The following PCCA variants were observed in gnomAD, a reference collection of about 807,000 sequenced individuals.
The protein encoded by PCCA is propionyl-CoA carboxylase alpha chain, mitochondrial.
PCCA carries 74 observed loss-of-function variants against 101.3 expected under a neutral mutation model. The observed-to-expected ratio is 0.73, with a 90% CI of 0.61 to 0.89. The LOEUF is 0.89. Ranked by LOEUF, PCCA falls within the 40% of genes least tolerant of loss-of-function variation. The pLI is 0.00. For synonymous variants in PCCA, 294 were observed against 313.6 expected, an observed-to-expected ratio of 0.94 and a Z score of 0.66; for missense variants, 891 against 907.0, an observed-to-expected ratio of 0.98 and a Z score of 0.23.
At chr13:100,398,563 A>T (rs1376194207) in intron 19 of PCCA, among the ~76,000 whole-genome samples, 1 of 152,184 alleles carries the variant, frequency 6.6e-6, no homozygotes, top group Non-Finnish European at 1.5e-5. Flanking sequence ...CACTGGGTGG[A>T]AAAGGGAAAA....
intron 19 of PCCA, among the ~76,000 whole-genome samples, chr13:100,397,891 A>G (rs1265172886): frequency 6.6e-6 from 1 of 152,244 alleles, no homozygotes; most frequent in African/African-American, 2.4e-5. Context: ...ACTTGTGAGC[A>G]GCTACCAAAT....
chr13:100,186,304 A>C (rs2057261270), intron 6 of PCCA, among the ~76,000 whole-genome samples: 1 of 152,238 alleles, frequency 6.6e-6, no homozygotes, highest in Non-Finnish European at 1.5e-5. Context: ...AAATATATTT[A>C]GTTTAATACA....
At position 100,205,347 on chromosome 13, in the gene PCCA, A is replaced by G. The variant is rs185244484; in HGVS notation, c.469-3985A>G. Among the ~76,000 whole-genome samples, 38 of 152,292 alleles carry G rather than the reference A, an allele frequency of 2.5e-4. 1 individual carries two copies. The highest frequency in any genetic ancestry group is 6.7e-4 in the African/African-American group (28 of 41,570). On this transcript the variant is annotated intron_variant, in intron 6 of 23. Coordinates refer to ENST00000376285, the MANE Select transcript of PCCA (RefSeq NM_000282.4). ...TTTTGGTTACAGATTTATGGGAGCC[A>G]AGAGCCTCTAATGTTGCTTTCTCAT...
chr13:100,285,297 C>T (rs576498880), intron 12 of PCCA, among the ~76,000 whole-genome samples: 12 of 152,266 alleles, frequency 7.9e-5, no homozygotes, highest in East Asian at 1.9e-4. Context: ...GCCTTCAAAA[C>T]CTTAAAGCAG....
chr13:100,465,653 G>A (rs985086312), intron 21 of PCCA, among the ~76,000 whole-genome samples: 11 of 152,162 alleles, frequency 7.2e-5, no homozygotes, highest in South Asian at 2.1e-4. Flanking sequence ...TGCCCTATGC[G>A]TAATAGGATG....
intron 6 of PCCA, among the ~76,000 whole-genome samples, chr13:100,203,404 T>C (rs932875745): frequency 3.3e-5 from 5 of 151,922 alleles, no homozygotes; most frequent in African/African-American, 9.7e-5. Flanking sequence ...AAACATTGTA[T>C]TGGGGCCAGG....
intron 18 of PCCA, among the ~76,000 whole-genome samples, chr13:100,349,627 C>A (rs1285453276): frequency 6.6e-6 from 1 of 152,168 alleles, no homozygotes; most frequent in Non-Finnish European, 1.5e-5. Context: ...GTTAAAGACT[C>A]AGAAAAAGAA....
intron 15 of PCCA, among the ~76,000 whole-genome samples, chr13:100,307,565 G>T (rs1182969813): frequency 6.6e-6 from 1 of 151,916 alleles, no homozygotes; most frequent in Non-Finnish European, 1.5e-5. Context: ...AGGAATTAAG[G>T]TTTTTTTTGG....
intron 4 of PCCA, among the ~76,000 whole-genome samples, chr13:100,133,266 T>G (rs2050740536): frequency 6.6e-6 from 1 of 152,218 alleles, no homozygotes; most frequent in Non-Finnish European, 1.5e-5. Context: ...TTGTTGAGTT[T>G]AGAGTGTTCT....
chr13:100,212,630 T>C (rs2059285174), intron 7 of PCCA, among the ~76,000 whole-genome samples: 1 of 152,190 alleles, frequency 6.6e-6, no homozygotes, highest in Non-Finnish European at 1.5e-5. Flanking sequence ...TCATCTGCCT[T>C]CTAATTAGTC....
Position 100,235,212 on chromosome 13 carries a change from G to A in PCCA, c.601-630G>A, listed in dbSNP as rs146702263. 2.9e-3 allele frequency among the ~76,000 whole-genome samples: 420 copies of A among 145,776 alleles called. 6 individuals carry two copies. Among genetic ancestry groups the A allele is most frequent in the South Asian group, 0.029 (132 of 4,606 alleles). Reference sequence around the variant, plus strand: ...AGTTTTTTCCTCCAGTAGTTGGTTCGTTGAAATTAAAGTTTTTTTTTAATT... The same window carrying A: ...AGTTTTTTCCTCCAGTAGTTGGTTCATTGAAATTAAAGTTTTTTTTTAATT... On this transcript the variant is annotated intron_variant, in intron 7 of 23. Coordinates refer to ENST00000376285, the MANE Select transcript of PCCA (RefSeq NM_000282.4).
At chr13:100,334,776 G>A (rs181717874) in intron 17 of PCCA, among the ~76,000 whole-genome samples, 1 of 152,240 alleles carries the variant, frequency 6.6e-6, no homozygotes, top group East Asian at 1.9e-4. Context: ...GAGAGATATG[G>A]AGGGAAGATC....
intron 19 of PCCA, among the ~76,000 whole-genome samples, chr13:100,376,213 C>T (rs1390942940): frequency 2.0e-5 from 3 of 152,220 alleles, no homozygotes; most frequent in Admixed American, 2.0e-4. Context: ...CTGTTCCTTC[C>T]TCTGAAAGCT....
chr13:100,143,421 G>A (rs114692172), intron 4 of PCCA, among the ~76,000 whole-genome samples: 2,908 of 151,814 alleles, frequency 0.019, 103 homozygotes, highest in African/African-American at 0.066. Context: ...TGTAGTCCCA[G>A]CTACTTGGGA....
At chr13:100,456,716 G>T (rs1481269673) in intron 21 of PCCA, among the ~76,000 whole-genome samples, 2 of 152,168 alleles carry the variant, frequency 1.3e-5, no homozygotes, top group Non-Finnish European at 2.9e-5. Flanking sequence ...AAAGATCAAA[G>T]ACTTTAAGAC....
intron 18 of PCCA, among the ~76,000 whole-genome samples, chr13:100,364,414 T>C (rs542080457): frequency 1.6e-3 from 244 of 152,354 alleles, no homozygotes; most frequent in Non-Finnish European, 2.8e-3. Flanking sequence ...ATAAGAATGT[T>C]TCAAAGTAAG....
At chr13:100,268,825 G>A in intron 11 of PCCA, 42 bp downstream of exon 11, 2 of 1,302,320 alleles carry the variant, frequency 1.5e-6, no homozygotes, top group Non-Finnish European at 2.2e-6. Context: ...CTGCTTTTAT[G>A]CATTTCATTC....
chr13:100,373,154 T>C (rs920171506), intron 19 of PCCA, among the ~76,000 whole-genome samples: 2 of 152,158 alleles, frequency 1.3e-5, no homozygotes, highest in South Asian at 4.2e-4. Flanking sequence ...CCAAAGAAGA[T>C]ATACGCATGG....
chr13:100,090,123 A>G (rs928272926), intron 1 of PCCA, among the ~76,000 whole-genome samples: 3 of 152,216 alleles, frequency 2.0e-5, no homozygotes, highest in Admixed American at 1.3e-4. Flanking sequence ...TTATTAAAAC[A>G]TTGCCACATA....
Sources: allele counts gnomAD v4.1 joint callset (sites outside exome capture counted in the v4.1 genomes callset), GRCh38; gene constraint gnomAD v4.1.1; transcripts MANE v1.5; gene names NCBI Gene and HGNC (gene_info 2026-07-23, HGNC 2026-07-21).